Variants in PLAC1 observed in about 807,000 individuals in gnomAD.
PLAC1 encodes the protein placenta-specific protein 1.
For synonymous variants in PLAC1, 68 were observed against 62.1 expected (o/e 1.09, Z -0.44); for missense variants, 136 against 163.2 (o/e 0.83, Z 0.91).
chrX:134,645,520 C>T (rs1419836177), intron 1 of PLAC1, among the ~76,000 whole-genome samples: 1 of 111,398 alleles, frequency 9.0e-6, no homozygotes, highest in Non-Finnish European at 1.9e-5. Flanking sequence ...CCTCTCTGAC[C>T]TTCTCTTCCT....
chrX:134,607,190 G>A (rs180876354), intron 1 of PLAC1: 45 of 137,480 alleles, frequency 3.3e-4, no homozygotes, highest in Non-Finnish European at 6.3e-4. Flanking sequence ...CACCCAATAC[G>A]TGTTCTCTAG....
chrX:134,661,748 A>G (rs2078417279), upstream of PLAC1, among the ~76,000 whole-genome samples: 1 of 111,906 alleles, frequency 8.9e-6, no homozygotes, highest in South Asian at 3.8e-4. Context: ...GTTACAAGGA[A>G]TAATGGACCA....
At chrX:134,584,657 T>C (rs139337260) in intron 2 of PLAC1, among the ~76,000 whole-genome samples, 2,801 of 111,323 alleles carry the variant, frequency 0.025, 95 homozygotes, top group African/African-American at 0.087. Context: ...TTGTTTCAAA[T>C]AAGATTTCCT....
chrX:134,752,009 C>T (rs1162271114), intron 1 of PLAC1, among the ~76,000 whole-genome samples: 2 of 112,172 alleles, frequency 1.8e-5, no homozygotes, highest in East Asian at 5.6e-4. Context: ...TCAGGGCCAA[C>T]TCTGTAGAAG....
intron 1 of PLAC1, among the ~76,000 whole-genome samples, chrX:134,633,830 G>A (rs941257743): frequency 1.8e-5 from 2 of 111,426 alleles, no homozygotes; most frequent in African/African-American, 6.5e-5. Flanking sequence ...AATTCACCCT[G>A]ATTTTGTGCT....
intron 2 of PLAC1, among the ~76,000 whole-genome samples, chrX:134,690,122 T>C (rs2078531222): frequency 8.9e-6 from 1 of 112,094 alleles, no homozygotes; most frequent in Non-Finnish European, 1.9e-5. Context: ...CAGTATTTTG[T>C]GTCTGGTATA....
chrX:134,760,455 C>T (rs2078767053), intron 1 of PLAC1: 1 of 111,165 alleles, frequency 9.0e-6, no homozygotes, highest in Non-Finnish European at 1.9e-5. Flanking sequence ...CCAGTAATTC[C>T]ACCCCTAGGA....
intron 2 of PLAC1, among the ~76,000 whole-genome samples, chrX:134,670,225 C>T (rs1356341694): frequency 9.1e-6 from 1 of 110,236 alleles, no homozygotes; most frequent in Non-Finnish European, 1.9e-5. Context: ...CCATGCCACC[C>T]TGGGGACTGT....
chrX:134,667,148 C>T (rs2078439969), intron 2 of PLAC1, among the ~76,000 whole-genome samples: 1 of 112,203 alleles, frequency 8.9e-6, no homozygotes, highest in African/African-American at 3.2e-5. Flanking sequence ...GGAAAAAGTA[C>T]ATCTATTTTT....
intron 2 of PLAC1, among the ~76,000 whole-genome samples, chrX:134,726,585 G>A: frequency 9.0e-6 from 1 of 111,288 alleles, no homozygotes; most frequent in East Asian, 2.8e-4. Context: ...AGCACTTTGG[G>A]AGGCCGAGGC....
chrX:134,586,245 G>A (rs1797256128), intron 2 of PLAC1, among the ~76,000 whole-genome samples: 2 of 111,882 alleles, frequency 1.8e-5, no homozygotes, highest in African/African-American at 6.5e-5. Flanking sequence ...GAGGGGAGGA[G>A]GAGAGGGCAT....
chrX:134,634,839 A>G, intron 1 of PLAC1, among the ~76,000 whole-genome samples: 1 of 112,284 alleles, frequency 8.9e-6, no homozygotes, highest in Admixed American at 9.4e-5. Context: ...TTCATGTACA[A>G]GCTATTGTGT....
intron 2 of PLAC1, among the ~76,000 whole-genome samples, chrX:134,568,385 C>T (rs1451881226): frequency 1.8e-5 from 2 of 112,610 alleles, no homozygotes; most frequent in African/African-American, 6.4e-5. Flanking sequence ...TTGATAGTGA[C>T]GAATTTGCTG....
At chrX:134,708,290 C>T (rs1012723688) in intron 2 of PLAC1, among the ~76,000 whole-genome samples, 3 of 111,502 alleles carry the variant, frequency 2.7e-5, no homozygotes, top group Non-Finnish European at 5.6e-5. Context: ...CTAGCAGACT[C>T]GGCAATAGAA....
chrX:134,566,038 T>C lies in PLAC1; in HGVS notation c.*6A>G. ...TAGCATCTTCAGGAGACCCCAAACC[T>C]GAGGATCACATGGACCCAATCATAT... On this transcript the variant is annotated 3_prime_UTR_variant, in exon 3 of 3. Transcript: ENST00000359237. 8.3e-7 allele frequency: 1 copy of C among 1,201,026 alleles called. No individual in the cohort carries two copies. The highest frequency in any genetic ancestry group is 1.8e-5 in the South Asian group (1 of 56,491).
chrX:134,702,242 T>C (rs769918530), intron 2 of PLAC1, among the ~76,000 whole-genome samples: 1 of 111,883 alleles, frequency 8.9e-6, no homozygotes, highest in African/African-American at 3.3e-5. Flanking sequence ...ATCCCATTAA[T>C]GAGTACATAT....
intron 2 of PLAC1, among the ~76,000 whole-genome samples, chrX:134,721,649 G>A (rs772017675): frequency 6.4e-5 from 7 of 110,150 alleles, no homozygotes; most frequent in South Asian, 4.0e-4. Flanking sequence ...TGGATCACAA[G>A]GTCAGAAGTT....
chrX:134,709,233 G>A (rs2078620256), intron 2 of PLAC1, among the ~76,000 whole-genome samples: 1 of 112,155 alleles, frequency 8.9e-6, no homozygotes, highest in African/African-American at 3.2e-5. Flanking sequence ...CAGAGAATAA[G>A]ATTGTAACAG....
intron 1 of PLAC1, among the ~76,000 whole-genome samples, chrX:134,619,448 C>G (rs1602844724): frequency 9.0e-6 from 1 of 110,599 alleles, no homozygotes; most frequent in African/African-American, 3.3e-5. Flanking sequence ...GTCAGGAGTT[C>G]AAGACCAGCC....
Sources: gnomAD v4.1 joint callset for allele counts (sites outside exome capture counted in the v4.1 genomes callset) on GRCh38, gnomAD v4.1.1 for gene constraint, MANE v1.5 for transcripts, NCBI Gene and HGNC (gene_info 2026-07-23, HGNC 2026-07-21) for gene names.